NDUFAF6: variants seen among roughly 807,000 people sequenced by gnomAD.
NDUFAF6 encodes NADH dehydrogenase (ubiquinone) complex I, assembly factor 6.
Under a neutral mutation model 40.8 loss-of-function variants are expected in NDUFAF6, and 45 were observed. That is an observed-to-expected ratio of 1.10 (90% CI 0.87 to 1.42). The LOEUF (loss-of-function observed/expected upper bound fraction) is 1.42. Ranked by LOEUF, NDUFAF6 falls within the 40% of genes most tolerant of loss-of-function variation. The probability of loss-of-function intolerance (pLI) is 0.00; values close to 1 mark genes in which losing one functional copy is unlikely to be tolerated. For synonymous variants in NDUFAF6, 185 were observed against 155.9 expected (o/e 1.19, Z -1.39); for missense variants, 435 against 418.5 (o/e 1.04, Z -0.34).
chr8:94,994,542 A>T (rs144986810), intron 2 of NDUFAF6, among the ~76,000 whole-genome samples: 1,537 of 152,100 alleles, frequency 0.01, 29 homozygotes, highest in African/African-American at 0.035. Context: ...AGGAAAAAAA[A>T]AAAAAAGAAG....
downstream of NDUFAF6, among the ~76,000 whole-genome samples, chr8:95,105,209 T>C (rs1809798859): frequency 6.6e-6 from 1 of 152,104 alleles, no homozygotes; most frequent in Non-Finnish European, 1.5e-5. Flanking sequence ...ATGGCCTTTT[T>C]CTAAGGAATA....
intron 2 of NDUFAF6, among the ~76,000 whole-genome samples, chr8:95,011,814 T>G (rs572857288): frequency 5.3e-5 from 8 of 152,200 alleles, no homozygotes; most frequent in Non-Finnish European, 1.0e-4. Context: ...AATAATTAAT[T>G]ATGTACAAAG....
intron 2 of NDUFAF6, chr8:95,034,107 C>T (rs1829195178): frequency 2.2e-6 from 1 of 457,626 alleles, no homozygotes; most frequent in South Asian, 1.5e-5. Flanking sequence ...TTGGAAGTAA[C>T]TTCACATATG....
intron 2 of NDUFAF6, among the ~76,000 whole-genome samples, chr8:95,014,053 A>G (rs1827337316): frequency 1.3e-5 from 2 of 152,228 alleles, no homozygotes; most frequent in African/African-American, 4.8e-5. Flanking sequence ...GCTAGCAGAG[A>G]GGCACAGCAC....
chr8:95,051,742 A>T (rs984918995), intron 7 of NDUFAF6, among the ~76,000 whole-genome samples: 1 of 152,192 alleles, frequency 6.6e-6, no homozygotes, highest in Non-Finnish European at 1.5e-5. Flanking sequence ...ATGTGAGGAC[A>T]TTAATTTGTC....
chr8:95,071,195 C>G (rs1219304775), intron 9 of NDUFAF6, among the ~76,000 whole-genome samples: 3 of 151,054 alleles, frequency 2.0e-5, no homozygotes, highest in Non-Finnish European at 4.4e-5. Flanking sequence ...TCAAGACCAT[C>G]CTGGCTAACA....
intron 1 of NDUFAF6, among the ~76,000 whole-genome samples, chr8:94,935,413 A>C (rs895787968): frequency 3.3e-5 from 5 of 152,346 alleles, no homozygotes; most frequent in Non-Finnish European, 5.9e-5. Flanking sequence ...GCAATCTCAG[A>C]TATTTCCTAG....
chr8:95,018,128 C>A (rs1485513525), intron 2 of NDUFAF6, among the ~76,000 whole-genome samples: 1 of 152,084 alleles, frequency 6.6e-6, no homozygotes, highest in East Asian at 1.9e-4. Context: ...GCTGTGTCAA[C>A]CTCCAGGGCT....
chr8:94,930,476 C>T, intron 1 of NDUFAF6: 3 of 1,613,582 alleles, frequency 1.9e-6, no homozygotes, highest in Non-Finnish European at 2.5e-6. Flanking sequence ...AAACTTGAAA[C>T]TATTAGTAAT....
exon 3 of NDUFAF6, chr8:95,103,205 T>C (rs1809710151): frequency 6.6e-6 from 1 of 152,092 alleles, no homozygotes; most frequent in South Asian, 2.1e-4. Context: ...TAGGTGTGAG[T>C]GAGTCAACCT....
chr8:95,005,577 ATATT>A (rs1214000024), intron 2 of NDUFAF6, among the ~76,000 whole-genome samples: 4 of 140,598 alleles, frequency 2.8e-5, no homozygotes, highest in South Asian at 4.4e-4. Context: ...CATAAATAAT[ATATT>A]TATTATTTAT....
At chr8:95,010,856 A>G (rs1186402896) in intron 2 of NDUFAF6, among the ~76,000 whole-genome samples, 2 of 152,234 alleles carry the variant, frequency 1.3e-5, no homozygotes, top group African/African-American at 4.8e-5. Context: ...TGTGGGGAGT[A>G]AAGGCCGTCA....
intron 1 of NDUFAF6, among the ~76,000 whole-genome samples, chr8:94,959,524 C>G (rs912068307): frequency 9.4e-6 from 1 of 106,946 alleles, no homozygotes; most frequent in Non-Finnish European, 2.1e-5. Context: ...TTTGTTGTTG[C>G]TTTTTGTTTT....
chr8:95,105,884 C>T (rs1303271818), downstream of NDUFAF6, among the ~76,000 whole-genome samples: 1 of 152,168 alleles, frequency 6.6e-6, no homozygotes, highest in Non-Finnish European at 1.5e-5. Flanking sequence ...GATCCTCCTG[C>T]CTTGATCTCC....
exon 10 of NDUFAF6, chr8:95,075,772 T>A (rs1445650738): frequency 8.5e-7 from 1 of 1,176,324 alleles, no homozygotes; most frequent in Admixed American, 2.3e-5. Flanking sequence ...CTTGGAAACC[T>A]TCTTGCTTAA....
At chr8:95,041,053 T>G (rs1282778337) in intron 3 of NDUFAF6, 2 of 152,404 alleles carry the variant, frequency 1.3e-5, no homozygotes, top group Non-Finnish European at 2.9e-5. Flanking sequence ...ATAGAATCTT[T>G]ATCCTGTGGA....
intron 2 of NDUFAF6, among the ~76,000 whole-genome samples, chr8:95,017,802 C>T (rs184530231): frequency 5.5e-4 from 84 of 152,246 alleles, no homozygotes; most frequent in Admixed American, 8.5e-4. Context: ...TAGCCAGTCA[C>T]CTCCTAAAAA....
intron 2 of NDUFAF6, among the ~76,000 whole-genome samples, chr8:95,095,165 A>G (rs16917322): frequency 0.1 from 15,858 of 152,120 alleles, 2,575 homozygotes; most frequent in African/African-American, 0.35. Flanking sequence ...GACTCCATAG[A>G]TTTGGGTTTG....
At chr8:95,074,231 A>G (rs1429631399) in intron 9 of NDUFAF6, among the ~76,000 whole-genome samples, 1 of 152,140 alleles carries the variant, frequency 6.6e-6, no homozygotes, top group African/African-American at 2.4e-5. Flanking sequence ...AGAAAAAAAA[A>G]TGGATATATT....
Sources: gnomAD v4.1 joint callset for allele counts (sites outside exome capture counted in the v4.1 genomes callset) on GRCh38, gnomAD v4.1.1 for gene constraint, MANE v1.5 for transcripts, NCBI Gene and HGNC (gene_info 2026-07-23, HGNC 2026-07-21) for gene names.